The following EXD1 variants were observed in gnomAD, a reference collection of about 807,000 sequenced individuals.
EXD1 encodes the protein piRNA biogenesis protein EXD1.
EXD1 carries 63 observed loss-of-function variants against 49.1 expected under a neutral mutation model. The ratio of observed to expected loss-of-function variants is 1.28; its 90% CI spans 1.05 to 1.58. EXD1 has a LOEUF of 1.58. Ranked by LOEUF, EXD1 falls within the 40% of genes most tolerant of loss-of-function variation. EXD1 has a pLI of 0.00. For synonymous variants in EXD1, 234 were observed against 239.2 expected (o/e 0.98, Z 0.20); for missense variants, 748 against 666.0 (o/e 1.12, Z -1.36).
chr15:41,222,597 T>A (rs1322518662), intron 2 of EXD1, among the ~76,000 whole-genome samples: 1 of 152,006 alleles, frequency 6.6e-6, no homozygotes, highest in Non-Finnish European at 1.5e-5. Context: ...ATTATACCTG[T>A]CTACCTATTT....
At position 41,191,549 on chromosome 15, in the gene EXD1, C is replaced by T. The variant is rs1257417935; in HGVS notation, c.757G>A (p.Gly253Ser). 1 of 1,613,986 alleles carries T rather than the reference C, an allele frequency of 6.2e-7. No homozygotes were observed. The highest frequency in any genetic ancestry group is 8.5e-7 in the Non-Finnish European group (1 of 1,179,982). ...GTAGTGATGCAGTTTGGAAGATAGC[C>T]ACCCGTTTCCATGGAAAACTGAAGT... ...DVLQFSMETG[G>S]YLPNCITTLQ... The change falls in exon 10 of 12, where the codon GGC (glycine) becomes AGC (serine). Residue 253 changes from glycine (G) to serine (S), a missense_variant. Gly to Ser is a moderately conservative substitution (Grantham distance 56). Transcript: ENST00000458580.
intron 7 of EXD1, among the ~76,000 whole-genome samples, chr15:41,208,500 C>T (rs1176260324): frequency 1.3e-5 from 2 of 151,622 alleles, no homozygotes; most frequent in South Asian, 2.1e-4. Flanking sequence ...CGTCTGTAAT[C>T]CTAGTACTTT....
At chr15:41,210,944 C>T (rs2046912276) in intron 6 of EXD1, among the ~76,000 whole-genome samples, 1 of 152,176 alleles carries the variant, frequency 6.6e-6, no homozygotes, top group Admixed American at 6.6e-5. Flanking sequence ...GAAAATGGCA[C>T]TGAATTTCAG....
chr15:41,190,112 C>T lies in EXD1; in HGVS notation c.881G>A (p.Trp294Ter). 2 of 1,614,094 alleles carry T rather than the reference C, an allele frequency of 1.2e-6. No individual in the cohort carries two copies. The highest frequency in any genetic ancestry group is 1.7e-6 in the Non-Finnish European group (2 of 1,180,008). Residue 294 changes from tryptophan (W) to a stop codon, truncating the protein, a stop_gained, in exon 11 of 12, where the codon TGG becomes TAG. Coordinates refer to ENST00000458580, the MANE Select transcript of EXD1 (RefSeq NM_001286441.2). LOFTEE classifies it high-confidence loss of function. Reference sequence around the variant, plus strand: ...AGAGGGTGAAACAGGTCGGATGAACCATACTTCTGGATTTTCCTGGAGACA... The same window carrying T: ...AGAGGGTGAAACAGGTCGGATGAACTATACTTCTGGATTTTCCTGGAGACA... ...QKLIQENPEV[W>*]FIRPVSPSLL...
intron 6 of EXD1, among the ~76,000 whole-genome samples, chr15:41,210,625 G>A (rs1198264311): frequency 6.6e-6 from 1 of 151,922 alleles, no homozygotes; most frequent in East Asian, 1.9e-4. Context: ...GGGAGGCTGA[G>A]GCTGCAGTGA....
chr15:41,216,909 CCATT>C, intron 4 of EXD1, 114 bp from the exon 5 acceptor site: 2 of 1,480,724 alleles, frequency 1.4e-6, no homozygotes, highest in Non-Finnish European at 1.8e-6. Context: ...ACTAGAGGAC[CCATT>C]CATCCACTGC....
At chr15:41,203,620 T>C (rs1014724615) in intron 7 of EXD1, among the ~76,000 whole-genome samples, 37 of 151,998 alleles carry the variant, frequency 2.4e-4, no homozygotes, top group African/African-American at 8.0e-4. Flanking sequence ...AAGCCAGCCA[T>C]AAAACCTAAA....
intron 7 of EXD1, 63 bp from the exon 8 acceptor site, chr15:41,196,100 G>A: frequency 3.4e-6 from 4 of 1,172,248 alleles, no homozygotes; most frequent in East Asian, 4.8e-5. Flanking sequence ...AGGGAAATTT[G>A]AGGATGAAGA....
At position 41,228,754 on chromosome 15, in the gene EXD1, A is replaced by G. The variant is rs185692703; in HGVS notation, c.-54+1725T>C. Among the ~76,000 whole-genome samples, 22 of 152,314 alleles carry G rather than the reference A, an allele frequency of 1.4e-4. No homozygotes were observed. The East Asian group carries it at 3.9e-3, about 27-fold the overall frequency. On this transcript the variant is annotated intron_variant, in intron 1 of 11. Coordinates refer to ENST00000458580, the MANE Select transcript of EXD1 (RefSeq NM_001286441.2). ...TCACTCTGTCGCCAGGCTGGAGTGC[A>G]GTACCGCTATCTTGGCTCACTGCAA... is the stretch of plus-strand genomic sequence containing the variant.
At chr15:41,213,032 C>T (rs922229362) in intron 6 of EXD1, among the ~76,000 whole-genome samples, 48 of 151,438 alleles carry the variant, frequency 3.2e-4, no homozygotes, top group African/African-American at 1.1e-3. Flanking sequence ...CAGAGCAAGA[C>T]CCCGTCTCAA....
intron 7 of EXD1, among the ~76,000 whole-genome samples, chr15:41,197,529 A>C (rs1357090618): frequency 6.6e-6 from 1 of 151,956 alleles, no homozygotes; most frequent in Non-Finnish European, 1.5e-5. Flanking sequence ...ACGCCCGGCC[A>C]ATGATAGGTA....
chr15:41,208,057 GT>G (rs1368716662), intron 7 of EXD1, among the ~76,000 whole-genome samples: 1 of 151,322 alleles, frequency 6.6e-6, no homozygotes, highest in Non-Finnish European at 1.5e-5. Context: ...AAGGACAGCT[GT>G]AGACAACTGC....
intron 2 of EXD1, among the ~76,000 whole-genome samples, chr15:41,221,626 A>G (rs1022617930): frequency 2.0e-5 from 3 of 151,656 alleles, no homozygotes; most frequent in Non-Finnish European, 4.4e-5. Context: ...TGCTCCTTCC[A>G]GTCTCCCTAG....
At chr15:41,216,897 T>A in intron 4 of EXD1, 102 bp from the exon 5 acceptor site, 2 of 1,520,602 alleles carry the variant, frequency 1.3e-6, no homozygotes, top group Non-Finnish European at 8.9e-7. Context: ...GGTCCTTCAT[T>A]AACTAGAGGA....
chr15:41,195,684 A>G (rs1480142159), intron 9 of EXD1, 91 bp downstream of exon 9: 2 of 949,018 alleles, frequency 2.1e-6, no homozygotes, highest in Non-Finnish European at 2.9e-6. Context: ...AAAAAATTAA[A>G]AAGACTTTCA....
intron 2 of EXD1, among the ~76,000 whole-genome samples, chr15:41,224,217 C>T (rs1349646363): frequency 2.0e-5 from 3 of 152,180 alleles, no homozygotes; most frequent in Admixed American, 6.5e-5. Context: ...GGATTACAGG[C>T]GTGAGCCACT....
At chr15:41,222,279 G>A (rs1015409041) in intron 2 of EXD1, among the ~76,000 whole-genome samples, 10 of 152,118 alleles carry the variant, frequency 6.6e-5, no homozygotes, top group South Asian at 2.1e-4. Context: ...AGCTGGGTGC[G>A]GTGGCATGCA....
chr15:41,201,108 A>G (rs1479696750), intron 7 of EXD1, among the ~76,000 whole-genome samples: 2 of 151,980 alleles, frequency 1.3e-5, no homozygotes, highest in African/African-American at 4.8e-5. Flanking sequence ...TCCTAACCTC[A>G]GGTGATCTGC....
In EXD1 at chr15:41,192,600, T is replaced by A. The variant is rs1370648860; in HGVS notation, c.721-1015A>T. On this transcript the variant is annotated intron_variant, in intron 9 of 11. Transcript: ENST00000458580. The stretch of plus-strand genomic sequence containing the variant: ...GTGAACCACTGCGCCAGGCATTTTT[T>A]TTTTTTTTTTTTTTTTTTTTTTTTT... Among the ~76,000 whole-genome samples the A allele has an allele frequency of 2.0e-3, 163 of 82,192 alleles. 33 individuals carry two copies. The highest frequency in any genetic ancestry group is 1.0e-2 in the East Asian group (30 of 3,014). 53.9% of individuals were successfully genotyped at this position (82,192 alleles called of 152,430 possible).
Sources: gnomAD v4.1 joint callset for allele counts (sites outside exome capture counted in the v4.1 genomes callset) on GRCh38, gnomAD v4.1.1 for gene constraint, MANE v1.5 for transcripts, NCBI Gene and HGNC (gene_info 2026-07-23, HGNC 2026-07-21) for gene names.